The following ZNF497 variants were observed in gnomAD, a reference collection of about 807,000 sequenced individuals.
ZNF497 encodes zinc finger protein 497.
For missense variants in ZNF497, 930 were observed against 714.0 expected (o/e 1.30, Z -3.45); for synonymous variants, 422 against 313.7 (o/e 1.35, Z -3.65).
rs540270404 is a variant in ZNF497, at chr19:58,356,056, G to A, written c.*83C>T. ...GCGCCCGCACCGGCGGCCCGAAAAA[G>A]TCTGGGCCAGCAGACAGCGCACTCA... is the stretch of plus-strand genomic sequence containing the variant. On this transcript the variant is annotated 3_prime_UTR_variant, in exon 3 of 3. Transcript: ENST00000311044. 3 of 1,420,868 alleles carry A rather than the reference G, an allele frequency of 2.1e-6. No homozygotes were observed. The highest frequency in any genetic ancestry group is 3.0e-5 in the South Asian group (2 of 67,760). The allele number at this position is 1,420,868 out of a possible 1,614,324, so 88.0% of individuals were successfully genotyped here. A position where few individuals can be genotyped will look rare whatever the true frequency, so the allele number is the denominator to read the frequency against.
At position 58,356,040 on chromosome 19, in the gene ZNF497, C is replaced by A. The variant is rs1030547954; in HGVS notation, c.*99G>T. The A allele has an allele frequency of 2.2e-6, 3 of 1,369,038 alleles. No individual in the cohort carries two copies. Among genetic ancestry groups the A allele is most frequent in the African/African-American group, 3.0e-5 (2 of 67,276 alleles). The allele number at this position is 1,369,038 out of a possible 1,614,324, so 84.8% of individuals were successfully genotyped here. On this transcript the variant is annotated 3_prime_UTR_variant, in exon 3 of 3. Coordinates refer to ENST00000311044, the MANE Select transcript of ZNF497 (RefSeq NM_198458.3). ...CACTCCCAGCAGGAGGGCGCCCGCA[C>A]CGGCGGCCCGAAAAAGTCTGGGCCA...
intron 1 of ZNF497, chr19:58,359,688 G>A (rs1330278433): frequency 3.1e-6 from 1 of 320,588 alleles, no homozygotes; most frequent in Non-Finnish European, 6.2e-6. Flanking sequence ...AAAAATTTAA[G>A]TTAGGCCAAG....
At chr19:58,360,886 A>C (rs1275682348) in intron 1 of ZNF497, among the ~76,000 whole-genome samples, 1 of 138,536 alleles carries the variant, frequency 7.2e-6, no homozygotes, top group African/African-American at 2.8e-5. Flanking sequence ...GGTTCATACC[A>C]TTCTCCTGCC....
chr19:58,359,627 C>T, intron 1 of ZNF497: 1 of 359,984 alleles, frequency 2.8e-6, no homozygotes, highest in African/African-American at 2.1e-5. Flanking sequence ...ACAGGACACC[C>T]AGAGTCAGAC....
chr19:58,358,429 T>A, intron 2 of ZNF497, 60 bp downstream of exon 2: 2 of 1,155,420 alleles, frequency 1.7e-6, no homozygotes. Context: ...ATCATCCTTG[T>A]GTAGTCTCCA....
At position 58,356,093 on chromosome 19, in the gene ZNF497, C is replaced by A. The variant is rs746751003; in HGVS notation, c.*46G>T. 3 of 1,489,440 alleles carry A rather than the reference C, an allele frequency of 2.0e-6. No individual in the cohort carries two copies. The highest frequency in any genetic ancestry group is 2.3e-5 in the East Asian group (1 of 42,906). 92.3% of individuals were successfully genotyped at this position (1,489,440 alleles called of 1,614,324 possible). A position where few individuals can be genotyped will look rare whatever the true frequency, so the allele number is the denominator to read the frequency against. ...AGACAGCGCACTCACGCCCGAGACC[C>A]CGCAATGCCGTGTGTCCGCGACCTC... On this transcript the variant is annotated 3_prime_UTR_variant, in exon 3 of 3. Transcript: ENST00000311044.
intron 1 of ZNF497, among the ~76,000 whole-genome samples, chr19:58,359,759 G>A (rs950335978): frequency 2.6e-5 from 4 of 152,138 alleles, no homozygotes; most frequent in East Asian, 1.9e-4. Context: ...GGATCACGAG[G>A]TCAGCAATTC....
In ZNF497 at chr19:58,356,922, G is replaced by A. The variant is rs1287427799; in HGVS notation, c.714C>T (p.Arg238=). The A allele has an allele frequency of 6.3e-7, 1 of 1,596,038 alleles. No homozygotes were observed. The highest frequency in any genetic ancestry group is 8.5e-7 in the Non-Finnish European group (1 of 1,175,166). ...CGTGCGGCCGCGCGCCCGTGTGCAC[G>A]CGCCGGTGCTCCAGGAAATTGGAGT... is the stretch of plus-strand genomic sequence containing the variant. ...SWNSNFLEHR[R]VHTGARPHAC... is the part of the protein sequence containing the mutation. Residue 238 remains arginine (R), a synonymous_variant, in exon 3 of 3, where the codon CGC becomes CGT. Transcript: ENST00000311044.
rs148214980 is a variant in ZNF497 at position 58,358,816 on chromosome 19, A to G, written c.-111-231T>C. 3,862 of 457,368 alleles carry G rather than the reference A, an allele frequency of 8.4e-3. 116 individuals carry two copies. Among genetic ancestry groups the G allele is most frequent in the African/African-American group, 0.069 (3,453 of 50,144 alleles). The allele number at this position is 457,368 out of a possible 1,614,324, so 28.3% of individuals were successfully genotyped here. ...CCACAGCCCCCAGGCCCTCTCAGCC[A>G]CCAACCCACGACTGGCCCCAGTGCT... On this transcript the variant is annotated intron_variant, in intron 1 of 2. Transcript: ENST00000311044.
intron 1 of ZNF497, among the ~76,000 whole-genome samples, chr19:58,360,499 G>A (rs926320372): frequency 4.0e-5 from 6 of 151,650 alleles, no homozygotes; most frequent in South Asian, 2.1e-4. Flanking sequence ...CATCAAGTGC[G>A]TGCCACCATA....
At chr19:58,359,351 C>G (rs756736475) in intron 1 of ZNF497, 1 of 1,015,816 alleles carries the variant, frequency 9.8e-7, no homozygotes, top group Non-Finnish European at 1.4e-6. Flanking sequence ...AGCCTGTGAG[C>G]ACAGCAAGGC....
intron 1 of ZNF497, chr19:58,359,240 G>T (rs760429847): frequency 1.0e-5 from 13 of 1,290,614 alleles, no homozygotes; most frequent in Non-Finnish European, 1.3e-5. Flanking sequence ...GGCCAGGGCT[G>T]ATGCCTCACT....
intron 1 of ZNF497, among the ~76,000 whole-genome samples, chr19:58,360,472 C>T (rs1599915732): frequency 6.6e-6 from 1 of 152,036 alleles, no homozygotes. Context: ...CCACCTCAGC[C>T]TCCGAAGGAG....
chr19:58,359,173 G>A (rs2052063663), intron 1 of ZNF497: 1 of 1,290,536 alleles, frequency 7.7e-7, no homozygotes, highest in African/African-American at 1.5e-5. Flanking sequence ...ACTGGCCAGG[G>A]CTCTTGGAGC....
chr19:58,358,502 C>T lies in ZNF497; in HGVS notation c.-28G>A. On this transcript the variant is annotated 5_prime_UTR_variant, in exon 2 of 3. Transcript: ENST00000311044. The stretch of plus-strand genomic sequence containing the variant: ...ATGGTGCCATACCTGGAGGTGGGGC[C>T]TGGAAGGGGCCCAGGGGAGCCTCTT... 2 of 1,177,258 alleles carry T rather than the reference C, an allele frequency of 1.7e-6. No individual in the cohort carries two copies. The highest frequency in any genetic ancestry group is 1.6e-5 in the South Asian group (1 of 62,814). The allele number at this position is 1,177,258 out of a possible 1,614,324, so 72.9% of individuals were successfully genotyped here.
chr19:58,358,588 G>C lies in ZNF497; in HGVS notation c.-111-3C>G, dbSNP rs1387295186. 1.7e-6 allele frequency: 2 copies of C among 1,186,620 alleles called. No individual in the cohort carries two copies. The highest frequency in any genetic ancestry group is 3.2e-5 in the African/African-American group (2 of 62,424). 73.5% of individuals were successfully genotyped at this position (1,186,620 alleles called of 1,614,324 possible). On this transcript the variant is annotated splice_polypyrimidine_tract_variant and splice_region_variant and intron_variant, in intron 1 of 2. Transcript: ENST00000311044. ...TCTTGGGGCCTGGGGGCTGGCACCT[G>C]GGGACAGGAAGGCAGCAGGGCAGGG...
chr19:58,360,560 G>T (rs553350359), intron 1 of ZNF497, among the ~76,000 whole-genome samples: 1 of 151,280 alleles, frequency 6.6e-6, no homozygotes, highest in Non-Finnish European at 1.5e-5. Context: ...ACGGAGTTTC[G>T]CTCTTTCACC....
chr19:58,358,660 G>T, intron 1 of ZNF497, 75 bp from the exon 2 acceptor site: 1 of 700,896 alleles, frequency 1.4e-6, no homozygotes, highest in Middle Eastern at 2.9e-4. Flanking sequence ...GGCATGCGGT[G>T]GCATGACCCA....
Position 58,356,925 on chromosome 19 carries a change from C to T in ZNF497, c.711G>A (p.Arg237=), listed in dbSNP as rs376574392. The T allele has an allele frequency of 1.4e-5, 22 of 1,597,250 alleles. No individual in the cohort carries two copies. The highest frequency in any genetic ancestry group is 3.3e-5 in the South Asian group (3 of 90,112). ...GCGGCCGCGCGCCCGTGTGCACGCG[C>T]CGGTGCTCCAGGAAATTGGAGTTCC... ...FSWNSNFLEH[R]RVHTGARPHA... is the part of the protein sequence containing the mutation. Residue 237 remains arginine, a synonymous_variant, in exon 3 of 3, where the codon CGG becomes CGA. Coordinates refer to ENST00000311044, the MANE Select transcript of ZNF497 (RefSeq NM_198458.3).
Sources: gnomAD v4.1 joint callset for allele counts (sites outside exome capture counted in the v4.1 genomes callset) on GRCh38, gnomAD v4.1.1 for gene constraint, MANE v1.5 for transcripts, NCBI Gene and HGNC (gene_info 2026-07-23, HGNC 2026-07-21) for gene names.